The following ARHGAP22 variants were observed in gnomAD, a reference collection of about 807,000 sequenced individuals.
ARHGAP22 encodes the protein rho GTPase-activating protein 22.
Under a neutral mutation model 59.1 loss-of-function variants are expected in ARHGAP22, and 48 were observed. The observed-to-expected ratio is 0.81, with a 90% confidence interval of 0.64 to 1.03. The LOEUF is 1.03. Ranked by LOEUF, ARHGAP22 falls within the 50% of genes least tolerant of loss-of-function variation. The pLI, the probability that ARHGAP22 is intolerant of heterozygous loss-of-function variation, is 0.00. For synonymous variants in ARHGAP22, 445 were observed against 416.4 expected (o/e 1.07, Z -0.84); for missense variants, 1,015 against 958.7 (o/e 1.06, Z -0.78).
chr10:48,578,881 CT>C lies in ARHGAP22; in HGVS notation c.234+4071del, dbSNP rs201812583. On this transcript the variant is annotated intron_variant, in intron 2 of 9. Coordinates refer to ENST00000249601, the MANE Select transcript of ARHGAP22 (RefSeq NM_021226.4). ...TATTTGATGTTACTAAATTTGCTTT[CT>C]TTTTGCTCACATTTACTTGCTTACC... Among the ~76,000 whole-genome samples the C allele has an allele frequency of 1.6e-4, 24 of 151,992 alleles. No individual in the cohort carries two copies. In the East Asian group the frequency reaches 4.6e-3, roughly 29 times the overall value.
intron 5 of ARHGAP22, among the ~76,000 whole-genome samples, chr10:48,457,990 G>A (rs544815688): frequency 6.7e-6 from 1 of 150,264 alleles, no homozygotes; most frequent in East Asian, 2.0e-4. Flanking sequence ...TCAGGGGTGG[G>A]TGGGGAGGGC....
chr10:48,654,592 T>C (rs542417999), upstream of ARHGAP22, among the ~76,000 whole-genome samples: 34 of 152,086 alleles, frequency 2.2e-4, no homozygotes, highest in Admixed American at 1.6e-3. Context: ...GCAACCAAGG[T>C]TGGGGAGAAG....
At chr10:48,477,123 T>A (rs557232955) in intron 4 of ARHGAP22, among the ~76,000 whole-genome samples, 3 of 152,306 alleles carry the variant, frequency 2.0e-5, no homozygotes, top group African/African-American at 7.2e-5. Flanking sequence ...CCCTCTCCCA[T>A]CCCATCTTAA....
chr10:48,434,677 A>G, the ARHGAP22 span, among the ~76,000 whole-genome samples: 2 of 152,206 alleles, frequency 1.3e-5, no homozygotes, highest in African/African-American at 4.8e-5. Flanking sequence ...GGACTCCACG[A>G]TTCTAGACAT....
chr10:48,464,213 A>G (rs1180568068), intron 4 of ARHGAP22, among the ~76,000 whole-genome samples: 12 of 152,168 alleles, frequency 7.9e-5, no homozygotes. Flanking sequence ...CCTCAGGATA[A>G]AGCCCAAACT....
chr10:48,579,025 A>G (rs1465901123), intron 2 of ARHGAP22, among the ~76,000 whole-genome samples: 8 of 151,942 alleles, frequency 5.3e-5, no homozygotes, highest in Admixed American at 1.3e-4. Context: ...CATGTTTATT[A>G]TGAGAAACAA....
chr10:48,626,821 C>A (rs1394379692), intron 1 of ARHGAP22, among the ~76,000 whole-genome samples: 1 of 152,164 alleles, frequency 6.6e-6, no homozygotes, highest in Non-Finnish European at 1.5e-5. Context: ...AAGCCCCTTT[C>A]AAAGGCACCT....
In ARHGAP22 at chr10:48,455,175, C is replaced by G. The variant is rs146396048; in HGVS notation, c.660-41G>C. 1.3e-3 allele frequency: 2,100 copies of G among 1,566,874 alleles called. 29 individuals carry two copies. In the African/African-American group the frequency reaches 0.025, roughly 19 times the overall value. ...GGACAGGTGTGTGAGGCCTGGGATGCCAGGGGACTTCAGGGGTGACTGGTA... is the reference window on the plus strand; with the variant it reads ...GGACAGGTGTGTGAGGCCTGGGATGGCAGGGGACTTCAGGGGTGACTGGTA... On this transcript the variant is annotated intron_variant, in intron 5 of 9. Coordinates refer to ENST00000249601, the MANE Select transcript of ARHGAP22 (RefSeq NM_021226.4).
chr10:48,655,058 T>TTC (rs2062741029), upstream of ARHGAP22, among the ~76,000 whole-genome samples: 9 of 26,726 alleles, frequency 3.4e-4, no homozygotes, highest in African/African-American at 9.3e-4. Context: ...TTCTTTCTCC[T>TTC]TCCTTCCCTC....
At chr10:48,648,243 C>T (rs982953521) in intron 1 of ARHGAP22, among the ~76,000 whole-genome samples, 1 of 151,924 alleles carries the variant, frequency 6.6e-6, no homozygotes, top group Non-Finnish European at 1.5e-5. Context: ...ATAACCAATG[C>T]CATGAAGAAA....
intron 1 of ARHGAP22, among the ~76,000 whole-genome samples, chr10:48,642,936 A>G (rs2062114594): frequency 6.6e-6 from 1 of 152,256 alleles, no homozygotes; most frequent in Non-Finnish European, 1.5e-5. Flanking sequence ...AAGGATATGA[A>G]CAGACTTTTC....
intron 3 of ARHGAP22, among the ~76,000 whole-genome samples, chr10:48,504,274 G>A (rs1483255877): frequency 6.6e-6 from 1 of 152,232 alleles, no homozygotes; most frequent in Non-Finnish European, 1.5e-5. Context: ...GACCCATGCA[G>A]GAAACCTGAA....
At chr10:48,482,350 A>G (rs1346908087) in intron 3 of ARHGAP22, among the ~76,000 whole-genome samples, 1 of 152,224 alleles carries the variant, frequency 6.6e-6, no homozygotes, top group Non-Finnish European at 1.5e-5. Flanking sequence ...AAAGTCTATC[A>G]TTTCTCTACA....
the ARHGAP22 span, chr10:48,436,559 C>T: frequency 3.3e-5 from 5 of 152,124 alleles, no homozygotes; most frequent in African/African-American, 7.2e-5. Context: ...GCAGAAAGCC[C>T]CTTGGAATTT....
At chr10:48,565,435 T>G (rs1219175748) in intron 2 of ARHGAP22, among the ~76,000 whole-genome samples, 1 of 152,184 alleles carries the variant, frequency 6.6e-6, no homozygotes, top group Non-Finnish European at 1.5e-5. Context: ...CTCCGTTTCC[T>G]CCTCTGCAAT....
intron 3 of ARHGAP22, among the ~76,000 whole-genome samples, chr10:48,498,316 C>T (rs1339713605): frequency 2.0e-5 from 3 of 152,136 alleles, no homozygotes; most frequent in Non-Finnish European, 4.4e-5. Context: ...CCCTCTCCTC[C>T]TTGGGGTGTG....
chr10:48,504,688 G>A (rs1161299259), intron 3 of ARHGAP22, among the ~76,000 whole-genome samples: 1 of 152,162 alleles, frequency 6.6e-6, no homozygotes, highest in African/African-American at 2.4e-5. Context: ...GTGGGGCTCC[G>A]TGGGCTGAGG....
intron 4 of ARHGAP22, among the ~76,000 whole-genome samples, chr10:48,460,271 T>C: frequency 6.6e-6 from 1 of 152,162 alleles, no homozygotes; most frequent in Admixed American, 6.5e-5. Flanking sequence ...CAACAGCAGA[T>C]CTCCTGTGTT....
At chr10:48,457,612 G>A (rs1238266415) in intron 5 of ARHGAP22, among the ~76,000 whole-genome samples, 1 of 152,186 alleles carries the variant, frequency 6.6e-6, no homozygotes, top group Non-Finnish European at 1.5e-5. Flanking sequence ...GAGCTCAGCA[G>A]CAGGGTGGCA....
Sources: gnomAD v4.1 joint callset for allele counts (sites outside exome capture counted in the v4.1 genomes callset) on GRCh38, gnomAD v4.1.1 for gene constraint, MANE v1.5 for transcripts, NCBI Gene and HGNC (gene_info 2026-07-23, HGNC 2026-07-21) for gene names.